DYNC2I2: variants seen among roughly 807,000 people sequenced by gnomAD.
DYNC2I2 encodes the protein cytoplasmic dynein 2 intermediate chain 2.
DYNC2I2 carries 39 observed loss-of-function variants against 52.0 expected under a neutral mutation model. That is an observed-to-expected ratio of 0.75 (90% CI 0.58 to 0.98). DYNC2I2 has a LOEUF of 0.98. DYNC2I2 is among the 50% of genes least tolerant of loss of function. DYNC2I2 has a pLI of 0.00. For missense variants in DYNC2I2, 743 were observed against 728.4 expected (o/e 1.02, Z -0.23); for synonymous variants, 359 against 321.1 (o/e 1.12, Z -1.26).
At chr9:128,646,922 C>A (rs1271888746) in intron 1 of DYNC2I2, among the ~76,000 whole-genome samples, 1 of 152,050 alleles carries the variant, frequency 6.6e-6, no homozygotes, top group Non-Finnish European at 1.5e-5. Context: ...GACAGGAGTT[C>A]GAGACCAACC....
the DYNC2I2 span, among the ~76,000 whole-genome samples, chr9:128,681,661 T>C: frequency 6.6e-6 from 1 of 152,222 alleles, no homozygotes; most frequent in African/African-American, 2.4e-5. Context: ...TCCACCTTAG[T>C]TGTACCAATC....
At chr9:128,653,889 T>C (rs1860767385) in intron 1 of DYNC2I2, among the ~76,000 whole-genome samples, 1 of 152,034 alleles carries the variant, frequency 6.6e-6, no homozygotes, top group African/African-American at 2.4e-5. Flanking sequence ...CGGGTGCCTG[T>C]AGTCCCAGCT....
At chr9:128,648,132 G>A (rs952137473) in intron 1 of DYNC2I2, among the ~76,000 whole-genome samples, 1 of 152,160 alleles carries the variant, frequency 6.6e-6, no homozygotes, top group Admixed American at 6.6e-5. Context: ...ACACTGGCCG[G>A]GCACAGTGGC....
upstream of DYNC2I2, among the ~76,000 whole-genome samples, chr9:128,657,183 C>G (rs1197622094): frequency 6.6e-6 from 1 of 152,202 alleles, no homozygotes; most frequent in Non-Finnish European, 1.5e-5. Flanking sequence ...CAAGTGATCT[C>G]CCTTTAATCC....
chr9:128,679,721 A>AC, the DYNC2I2 span, among the ~76,000 whole-genome samples: 1 of 149,912 alleles, frequency 6.7e-6, no homozygotes, highest in East Asian at 2.0e-4. Flanking sequence ...ATCTCAGCTC[A>AC]CTGAGGCCTC....
At chr9:128,655,908 C>CA (rs538687665) in intron 1 of DYNC2I2, among the ~76,000 whole-genome samples, 655 of 40,812 alleles carry the variant, frequency 0.016, 3 homozygotes, top group African/African-American at 0.021. Context: ...GAGACTGTCT[C>CA]AAAAAAAAAA....
At position 128,635,653 on chromosome 9, in the gene DYNC2I2, C is replaced by G. The variant is rs1307915516; in HGVS notation, c.813+5G>C. 1.2e-6 allele frequency: 2 copies of G among 1,601,330 alleles called. No individual in the cohort carries two copies. The highest frequency in any genetic ancestry group is 4.5e-5 in the East Asian group (2 of 44,356). Reference sequence around the variant, plus strand: ...CCCACCCCGCCCGGCAGCCCCTGCCCTGACCTGGGACACAGGGTCTGTGTG... The same window carrying G: ...CCCACCCCGCCCGGCAGCCCCTGCCGTGACCTGGGACACAGGGTCTGTGTG... On this transcript the variant is annotated splice_donor_5th_base_variant and intron_variant, in intron 5 of 8. Transcript: ENST00000372715.
At chr9:128,679,139 G>C in the DYNC2I2 span, among the ~76,000 whole-genome samples, 1 of 152,132 alleles carries the variant, frequency 6.6e-6, no homozygotes, top group African/African-American at 2.4e-5. Flanking sequence ...TATACACTGA[G>C]ACTTAGGCTT....
chr9:128,653,097 C>A (rs766024816), intron 1 of DYNC2I2, among the ~76,000 whole-genome samples: 4 of 148,936 alleles, frequency 2.7e-5, no homozygotes, highest in Non-Finnish European at 5.9e-5. Context: ...AATGTGGTGG[C>A]GTGCACCTGT....
At chr9:128,644,438 G>A (rs1860575221) in intron 1 of DYNC2I2, among the ~76,000 whole-genome samples, 1 of 151,910 alleles carries the variant, frequency 6.6e-6, no homozygotes, top group African/African-American at 2.4e-5. Context: ...ACACCTGGCT[G>A]ATTTTTTAAA....
At chr9:128,636,076 G>T in intron 4 of DYNC2I2, 1 of 874,448 alleles carries the variant, frequency 1.1e-6, no homozygotes, top group Non-Finnish European at 1.9e-6. Flanking sequence ...TCCTGGCCCC[G>T]ACCCTGGCCC....
intron 1 of DYNC2I2, among the ~76,000 whole-genome samples, chr9:128,644,274 C>CT (rs1860571586): frequency 1.3e-4 from 1 of 7,862 alleles, no homozygotes; most frequent in Non-Finnish European, 2.7e-4. Context: ...ACCCAGGCGG[C>CT]CTTTTTTTTT....
chr9:128,678,761 C>T, the DYNC2I2 span, among the ~76,000 whole-genome samples: 1 of 151,494 alleles, frequency 6.6e-6, no homozygotes, highest in Non-Finnish European at 1.5e-5. Flanking sequence ...CGAGCCTGGC[C>T]AGGTAATCTT....
intron 1 of DYNC2I2, among the ~76,000 whole-genome samples, chr9:128,641,970 T>TACACAC (rs1319613481): frequency 7.4e-4 from 105 of 142,420 alleles, no homozygotes; most frequent in African/African-American, 2.8e-3. Flanking sequence ...TGTTCATTTA[T>TACACAC]ATACATACAC....
intron 1 of DYNC2I2, among the ~76,000 whole-genome samples, chr9:128,644,884 A>T (rs1282580102): frequency 2.0e-5 from 3 of 152,276 alleles, no homozygotes; most frequent in Middle Eastern, 3.4e-3. Context: ...GTGATCAGTG[A>T]TCTTTTACGT....
the DYNC2I2 span, among the ~76,000 whole-genome samples, chr9:128,673,760 C>A: frequency 6.6e-6 from 1 of 151,682 alleles, no homozygotes; most frequent in African/African-American, 2.4e-5. Context: ...CCCCCCTAGG[C>A]CTCCCAAAGT....
At chr9:128,640,413 T>G (rs1860490742) in intron 2 of DYNC2I2, among the ~76,000 whole-genome samples, 1 of 152,200 alleles carries the variant, frequency 6.6e-6, no homozygotes, top group Admixed American at 6.5e-5. Context: ...CTGCCTCCAC[T>G]GCTCAGCTGC....
intron 4 of DYNC2I2, 132 bp downstream of exon 4, chr9:128,636,149 C>G (rs1482912390): frequency 7.3e-7 from 1 of 1,377,764 alleles, no homozygotes. Flanking sequence ...CACCTGGGCT[C>G]CAGACTGAGA....
At chr9:128,683,898 G>A in the DYNC2I2 span, 1 of 1,551,208 alleles carries the variant, frequency 6.4e-7, no homozygotes, top group Admixed American at 2.0e-5. Flanking sequence ...CTAACAGCAT[G>A]GCCCCTAAAC....
Sources: gnomAD v4.1 joint callset for allele counts (sites outside exome capture counted in the v4.1 genomes callset) on GRCh38, gnomAD v4.1.1 for gene constraint, MANE v1.5 for transcripts, NCBI Gene and HGNC (gene_info 2026-07-23, HGNC 2026-07-21) for gene names.